ATRN: variants seen among roughly 807,000 people sequenced by gnomAD.
ATRN encodes attractin-2.
In ATRN, 54 loss-of-function variants were observed where a neutral mutation model predicts 178.7. The ratio of observed to expected loss-of-function variants is 0.30; its 90% CI spans 0.24 to 0.38. The LOEUF is 0.38. Ranked by LOEUF, ATRN falls within the 10% of genes least tolerant of loss-of-function variation. The pLI, the probability that ATRN is intolerant of heterozygous loss-of-function variation, is 1.00. For synonymous variants in ATRN, 636 were observed against 663.0 expected (o/e 0.96, Z 0.63); for missense variants, 1,443 against 1,815.1 (o/e 0.79, Z 3.73).
At chr20:3,506,547 C>T (rs1018409457) in intron 1 of ATRN, among the ~76,000 whole-genome samples, 11 of 151,206 alleles carry the variant, frequency 7.3e-5, no homozygotes, top group African/African-American at 9.7e-5. Context: ...CAATTTGAAC[C>T]GAGGAGGCGG....
chr20:3,570,991 T>C (rs1306213644), intron 11 of ATRN, among the ~76,000 whole-genome samples: 4 of 152,230 alleles, frequency 2.6e-5, no homozygotes, highest in Non-Finnish European at 5.9e-5. Flanking sequence ...GTTCCCTCAA[T>C]AGATAAATGG....
chr20:3,590,339 G>T (rs534758085), intron 18 of ATRN, among the ~76,000 whole-genome samples: 1 of 152,186 alleles, frequency 6.6e-6, no homozygotes, highest in Non-Finnish European at 1.5e-5. Context: ...GTGAAAAACT[G>T]CATCACACTG....
chr20:3,533,603 G>A (rs1314629434), intron 1 of ATRN, among the ~76,000 whole-genome samples: 2 of 151,932 alleles, frequency 1.3e-5, no homozygotes, highest in African/African-American at 2.4e-5. Flanking sequence ...TGAGGTAGAA[G>A]CCACATGTTG....
chr20:3,501,969 T>TA (rs143002538), intron 1 of ATRN, among the ~76,000 whole-genome samples: 6,013 of 152,232 alleles, frequency 0.039, 158 homozygotes, highest in Non-Finnish European at 0.057. Flanking sequence ...GATCAGCTCT[T>TA]ACAAAGGCTG....
intron 1 of ATRN, among the ~76,000 whole-genome samples, chr20:3,475,176 G>A (rs532036199): frequency 2.0e-5 from 3 of 151,948 alleles, no homozygotes; most frequent in Non-Finnish European, 4.4e-5. Flanking sequence ...ATACCTTTCT[G>A]ATTTAGAATG....
chr20:3,554,305 T>TTTA (rs2085831449), intron 6 of ATRN, among the ~76,000 whole-genome samples: 12 of 139,236 alleles, frequency 8.6e-5, no homozygotes, highest in Admixed American at 2.9e-4. Flanking sequence ...GATTACAGAT[T>TTTA]TTTATTTATT....
chr20:3,577,111 T>C, intron 14 of ATRN, 114 bp downstream of exon 14: 1 of 1,319,158 alleles, frequency 7.6e-7, no homozygotes, highest in East Asian at 2.4e-5. Flanking sequence ...ATTCTGTCCA[T>C]TCATCCCCCA....
intron 6 of ATRN, among the ~76,000 whole-genome samples, chr20:3,550,000 G>A (rs1756835319): frequency 6.6e-6 from 1 of 152,102 alleles, no homozygotes; most frequent in South Asian, 2.1e-4. Flanking sequence ...AACTAGTCTA[G>A]CAAAATCAGA....
In ATRN at chr20:3,646,380, A is replaced by G. The variant is rs538897979; in HGVS notation, c.4166-343A>G. Among the ~76,000 whole-genome samples, 214 of 152,330 alleles carry G rather than the reference A, an allele frequency of 1.4e-3. 1 individual carries two copies. Among genetic ancestry groups the G allele is most frequent in the African/African-American group, 5.0e-3 (208 of 41,572 alleles). ...TTTATATGTTCCCACCACCAAGCAG[A>G]GCACTGTGCTTGGTTGATGTGCTGA... On this transcript the variant is annotated intron_variant, in intron 28 of 28. Coordinates refer to ENST00000262919, the MANE Select transcript of ATRN (RefSeq NM_139321.3).
At chr20:3,631,794 T>G (rs553688013) in intron 25 of ATRN, among the ~76,000 whole-genome samples, 1 of 152,296 alleles carries the variant, frequency 6.6e-6, no homozygotes, top group South Asian at 2.1e-4. Context: ...TGCCGTTGGC[T>G]TCATGCTCTT....
rs117489377 is a variant in ATRN, at chr20:3,644,197, A to G, written c.4094A>G (p.Lys1365Arg). The G allele has an allele frequency of 1.2e-4, 188 of 1,614,224 alleles. No individual in the cohort carries two copies. The East Asian group carries it at 3.9e-3, about 34-fold the overall frequency. ...GCACTGGAGCCGTGTTTTGGCAACA[A>G]AGCCGCTGTCCTCTCTGTGTTTGTG... Reference protein sequence around the residue: ...PIALEPCFGNKAAVLSVFVRL... With the variant: ...PIALEPCFGNRAAVLSVFVRL... Residue 1365 changes from lysine to arginine, a missense_variant, in exon 28 of 29, where the codon AAA (lysine) becomes AGA (arginine). By Grantham distance (26) the Lys-to-Arg change is conservative (BLOSUM62 2). Around this residue, in one of 4 missense-constraint regions of ATRN, gnomAD observed 289 missense variants for 440.8 expected, o/e 0.66. Transcript: ENST00000262919.
intron 22 of ATRN, 128 bp from the exon 23 acceptor site, chr20:3,600,818 T>C (rs1220133618): frequency 1.1e-6 from 1 of 889,444 alleles, no homozygotes; most frequent in Non-Finnish European, 1.7e-6. Flanking sequence ...AACTCTTCTG[T>C]GAGTTTCTCT....
intron 1 of ATRN, among the ~76,000 whole-genome samples, chr20:3,502,868 T>G (rs930844107): frequency 1.3e-5 from 2 of 152,234 alleles, no homozygotes; most frequent in Admixed American, 6.5e-5. Context: ...TTTGGCCATG[T>G]GGGCCTGAGC....
At chr20:3,605,944 A>G (rs143909935) in intron 24 of ATRN, among the ~76,000 whole-genome samples, 186 of 152,344 alleles carry the variant, frequency 1.2e-3, no homozygotes, top group African/African-American at 4.2e-3. Flanking sequence ...TCACTCATCA[A>G]TTAGGATGCC....
chr20:3,536,399 C>T (rs1026424416), intron 2 of ATRN, among the ~76,000 whole-genome samples: 2 of 151,438 alleles, frequency 1.3e-5, no homozygotes, highest in Non-Finnish European at 2.9e-5. Flanking sequence ...GTAGTAGAGA[C>T]AGGGTTTCAC....
At chr20:3,512,107 A>ATATATTTTTTTTTTTTT in intron 1 of ATRN, among the ~76,000 whole-genome samples, 1 of 106,392 alleles carries the variant, frequency 9.4e-6, no homozygotes, top group African/African-American at 4.4e-5. Flanking sequence ...ATATATATAT[A>ATATATTTTTTTTTTTTT]TTTTTTTTTT....
At chr20:3,477,228 T>C (rs113240440) in intron 1 of ATRN, among the ~76,000 whole-genome samples, 37 of 83,570 alleles carry the variant, frequency 4.4e-4, no homozygotes, top group East Asian at 8.5e-4. Context: ...GGCTGATCTG[T>C]TTTCCCCAGT....
chr20:3,582,097 A>G (rs1426640759), intron 15 of ATRN, 38 bp from the exon 16 acceptor site: 14 of 1,557,084 alleles, frequency 9.0e-6, no homozygotes, highest in Non-Finnish European at 1.2e-5. Flanking sequence ...AAAAAAAGAT[A>G]CTATCTGTAT....
At chr20:3,598,040 G>A in intron 22 of ATRN, 40 bp downstream of exon 22, 1 of 1,345,254 alleles carries the variant, frequency 7.4e-7, no homozygotes, top group Non-Finnish European at 1.1e-6. Flanking sequence ...TTTTGAATTT[G>A]TATGGATCTT....
Sources: allele counts gnomAD v4.1 joint callset (sites outside exome capture counted in the v4.1 genomes callset), GRCh38; gene constraint gnomAD v4.1.1; regional missense constraint gnomAD v4.1.1; transcripts MANE v1.5; gene names NCBI Gene and HGNC (gene_info 2026-07-23, HGNC 2026-07-21).